GSTCD: variants seen among roughly 807,000 people sequenced by gnomAD.
GSTCD encodes glutathione S-transferase C-terminal domain containing.
GSTCD carries 44 observed loss-of-function variants against 68.3 expected under a neutral mutation model. The ratio of observed to expected loss-of-function variants is 0.64; its 90% CI spans 0.51 to 0.83. GSTCD has a LOEUF of 0.83. Among genes scored for constraint, GSTCD ranks in the 40% least tolerant of loss-of-function variants. GSTCD has a pLI of 0.00. For missense variants in GSTCD, 739 were observed against 735.9 expected (o/e 1.00, Z -0.05); for synonymous variants, 273 against 255.2 (o/e 1.07, Z -0.67).
chr4:105,756,460 T>G (rs1301659435), intron 5 of GSTCD, among the ~76,000 whole-genome samples: 4 of 149,686 alleles, frequency 2.7e-5, no homozygotes, highest in African/African-American at 9.9e-5. Context: ...TTTAGGAAAT[T>G]TGTGTCAGGC....
rs913263647 is a variant in GSTCD at position 105,845,722 on chromosome 4, T to C, written c.*145T>C. The C allele has an allele frequency of 1.3e-6, 1 of 783,660 alleles. No individual in the cohort carries two copies. The allele number at this position is 783,660 out of a possible 1,614,324, so 48.5% of individuals were successfully genotyped here. ...AGGAAGGAAAGCAACAGGGAAATCTTGGAAGTAAAGGCTCCCTGCAAAGCA... is the reference window on the plus strand; with the variant it reads ...AGGAAGGAAAGCAACAGGGAAATCTCGGAAGTAAAGGCTCCCTGCAAAGCA... On this transcript the variant is annotated 3_prime_UTR_variant, in exon 12 of 12. Transcript: ENST00000515279.
intron 5 of GSTCD, among the ~76,000 whole-genome samples, chr4:105,765,619 A>G (rs1734573712): frequency 6.6e-6 from 1 of 152,202 alleles, no homozygotes; most frequent in Admixed American, 6.5e-5. Context: ...ATTTGTCATC[A>G]ATGATCTTTG....
chr4:105,779,417 G>C, intron 5 of GSTCD, among the ~76,000 whole-genome samples: 1 of 152,040 alleles, frequency 6.6e-6, no homozygotes, highest in East Asian at 1.9e-4. Flanking sequence ...CATAAATTTT[G>C]GAAATTTGGA....
At chr4:105,737,973 A>G (rs2149217889) in intron 5 of GSTCD, among the ~76,000 whole-genome samples, 2 of 152,230 alleles carry the variant, frequency 1.3e-5, no homozygotes, top group Middle Eastern at 3.4e-3. Context: ...TGTTGAAAAA[A>G]GCCTGGTACC....
intron 10 of GSTCD, among the ~76,000 whole-genome samples, chr4:105,841,101 G>C (rs537719144): frequency 6.6e-6 from 1 of 152,046 alleles, no homozygotes; most frequent in African/African-American, 2.4e-5. Flanking sequence ...AGATCACAAG[G>C]TCAGGAGTTC....
intron 11 of GSTCD, 100 bp downstream of exon 11, chr4:105,842,234 C>CT: frequency 1.2e-6 from 1 of 850,854 alleles, no homozygotes; most frequent in Non-Finnish European, 1.9e-6. Flanking sequence ...AACATGAAGT[C>CT]TATTTTTCAA....
At chr4:105,767,113 A>G (rs930975941) in intron 5 of GSTCD, among the ~76,000 whole-genome samples, 1 of 152,072 alleles carries the variant, frequency 6.6e-6, no homozygotes, top group Non-Finnish European at 1.5e-5. Context: ...ATGGACAGAA[A>G]AAAGAAGGTG....
chr4:105,784,367 A>T (rs1264186796), intron 5 of GSTCD, among the ~76,000 whole-genome samples: 6 of 152,236 alleles, frequency 3.9e-5, no homozygotes, highest in Non-Finnish European at 8.8e-5. Flanking sequence ...GAGAGACACC[A>T]GGGACCAGAC....
chr4:105,825,088 C>CTTGGTTGGTTGATTGG (rs1368382264), intron 7 of GSTCD, among the ~76,000 whole-genome samples: 5 of 150,676 alleles, frequency 3.3e-5, no homozygotes, highest in Non-Finnish European at 7.4e-5. Context: ...TTTTTGTTTG[C>CTTGGTTGGTTGATTGG]TTGGTTGGTT....
intron 5 of GSTCD, among the ~76,000 whole-genome samples, 165 bp downstream of exon 5, chr4:105,729,664 A>G (rs1292378190): frequency 6.6e-6 from 1 of 151,938 alleles, no homozygotes; most frequent in African/African-American, 2.4e-5. Flanking sequence ...TACACACACC[A>G]CTTAGATTTA....
rs574214198 is a variant in GSTCD at position 105,836,734 on chromosome 4, G to A, written c.1665-1125G>A. ...GCCTCAACTTTTGGTGGCCTTTACA[G>A]TATGTTACTACCACTTCCTGTCTTT... On this transcript the variant is annotated intron_variant, in intron 9 of 11. Transcript: ENST00000515279. 3.9e-5 allele frequency among the ~76,000 whole-genome samples: 6 copies of A among 152,294 alleles called. No homozygotes were observed. The South Asian group carries it at 1.2e-3, about 32-fold the overall frequency.
chr4:105,775,605 G>A (rs551084244), intron 5 of GSTCD, among the ~76,000 whole-genome samples: 50 of 152,208 alleles, frequency 3.3e-4, no homozygotes, highest in African/African-American at 1.1e-3. Context: ...ACTCAGTCCC[G>A]TCTGCTGCAG....
At chr4:105,818,003 T>C (rs1188587491) in intron 5 of GSTCD, among the ~76,000 whole-genome samples, 2 of 151,930 alleles carry the variant, frequency 1.3e-5, no homozygotes, top group East Asian at 3.8e-4. Context: ...TAAACTTTTA[T>C]TGAGAACCTT....
rs1724520857 is a variant in GSTCD at position 105,845,642 on chromosome 4, G to A, written c.*65G>A. On this transcript the variant is annotated 3_prime_UTR_variant, in exon 12 of 12. Coordinates refer to ENST00000515279, the MANE Select transcript of GSTCD (RefSeq NM_001370181.1). ...ACGTTGGATGCCCAGTGGCATTCAG[G>A]AGGTTCTTGGCATAACTAGGAAACA... 1 of 1,546,036 alleles carries A rather than the reference G, an allele frequency of 6.5e-7. No homozygotes were observed. Among genetic ancestry groups the A allele is most frequent in the South Asian group, 1.1e-5 (1 of 89,152 alleles).
At chr4:105,722,213 T>C (rs2149207379) in intron 3 of GSTCD, among the ~76,000 whole-genome samples, 1 of 152,142 alleles carries the variant, frequency 6.6e-6, no homozygotes, top group South Asian at 2.1e-4. Flanking sequence ...TTAGCTTAGG[T>C]AAAATCATTC....
intron 5 of GSTCD, among the ~76,000 whole-genome samples, chr4:105,744,232 G>A (rs1053187680): frequency 9.2e-5 from 14 of 152,180 alleles, no homozygotes; most frequent in African/African-American, 3.1e-4. Flanking sequence ...TCACAGATGC[G>A]ATGTTTTATC....
chr4:105,710,232 A>ATTTTT (rs761574598), intron 1 of GSTCD, among the ~76,000 whole-genome samples: 8,638 of 85,496 alleles, frequency 0.1, 1,817 homozygotes, highest in African/African-American at 0.28. Flanking sequence ...GGGCCCATCA[A>ATTTTT]TTTTTTTTTT....
chr4:105,710,764 T>C (rs989218873), intron 1 of GSTCD: 4 of 152,206 alleles, frequency 2.6e-5, no homozygotes, highest in African/African-American at 9.6e-5. Flanking sequence ...TCGATCACTG[T>C]TAATTATGAG....
At chr4:105,725,371 T>C (rs1459971857) in intron 3 of GSTCD, among the ~76,000 whole-genome samples, 1 of 152,260 alleles carries the variant, frequency 6.6e-6, no homozygotes, top group East Asian at 1.9e-4. Context: ...ATTACTGGAT[T>C]GTATGGTAAG....
Sources: gnomAD v4.1 joint callset for allele counts (sites outside exome capture counted in the v4.1 genomes callset) on GRCh38, gnomAD v4.1.1 for gene constraint, MANE v1.5 for transcripts, NCBI Gene and HGNC (gene_info 2026-07-23, HGNC 2026-07-21) for gene names.